Variants in MSI2 observed in about 807,000 individuals in gnomAD.
MSI2 encodes the protein musashi RNA binding protein 2.
MSI2 carries 17 observed loss-of-function variants against 45.6 expected under a neutral mutation model. The observed-to-expected ratio is 0.37, with a 90% CI of 0.26 to 0.56. The LOEUF (loss-of-function observed/expected upper bound fraction) is 0.56. Among genes scored for constraint, MSI2 ranks in the 20% least tolerant of loss-of-function variants. The pLI is 0.77. For missense variants in MSI2, 293 were observed against 444.2 expected, an observed-to-expected ratio of 0.66 and a Z score of 3.06; for synonymous variants, 156 against 158.2, an observed-to-expected ratio of 0.99 and a Z score of 0.11.
intron 6 of MSI2, among the ~76,000 whole-genome samples, chr17:57,509,399 G>A (rs115543360): frequency 1.5e-3 from 228 of 152,192 alleles, no homozygotes; most frequent in African/African-American, 4.9e-3. Flanking sequence ...CCAGTCTGGC[G>A]TCATCTTGGT....
At chr17:57,317,341 A>G (rs1912930595) in intron 5 of MSI2, among the ~76,000 whole-genome samples, 1 of 152,166 alleles carries the variant, frequency 6.6e-6, no homozygotes, top group Non-Finnish European at 1.5e-5. Flanking sequence ...AAAAGGAGAC[A>G]TAACTTCTGT....
At chr17:57,530,751 T>A (rs1157901411) in intron 7 of MSI2, among the ~76,000 whole-genome samples, 2 of 152,148 alleles carry the variant, frequency 1.3e-5, no homozygotes, top group African/African-American at 2.4e-5. Context: ...GCACTGACTG[T>A]ATGTCTTTCC....
At position 57,359,279 on chromosome 17, in the gene MSI2, CTTTA is replaced by C. The variant is rs1284716306; in HGVS notation, c.313-42092_313-42089del. Among the ~76,000 whole-genome samples, 3 of 152,060 alleles carry C rather than the reference CTTTA, an allele frequency of 2.0e-5. No homozygotes were observed. In the East Asian group the frequency reaches 5.8e-4, roughly 29 times the overall value. On this transcript the variant is annotated intron_variant, in intron 5 of 13. Coordinates refer to ENST00000284073, the MANE Select transcript of MSI2 (RefSeq NM_138962.4). ...TCCAACTCAATATGGGCATTTTAATCTTTATTTATTTTTAAAATTTAATTTTATT... is the reference window on the plus strand; with the variant it reads ...TCCAACTCAATATGGGCATTTTAATCTTTATTTTTAAAATTTAATTTTATT...
chr17:57,584,742 G>A (rs111286057), intron 7 of MSI2, among the ~76,000 whole-genome samples: 6 of 151,828 alleles, frequency 4.0e-5, no homozygotes, highest in Non-Finnish European at 5.9e-5. Flanking sequence ...CAGCATGCCC[G>A]CACCCTGCAC....
At chr17:57,584,482 G>C (rs1188611982) in intron 7 of MSI2, among the ~76,000 whole-genome samples, 4 of 152,184 alleles carry the variant, frequency 2.6e-5, no homozygotes, top group Admixed American at 2.6e-4. Flanking sequence ...ACCCCCCTGT[G>C]GGGGGCGCGG....
intron 6 of MSI2, among the ~76,000 whole-genome samples, chr17:57,427,555 A>T (rs1224135100): frequency 6.6e-6 from 1 of 152,148 alleles, no homozygotes; most frequent in Non-Finnish European, 1.5e-5. Context: ...GTATAAAACC[A>T]CCTTCCTCAT....
intron 5 of MSI2, among the ~76,000 whole-genome samples, chr17:57,301,404 G>A (rs1319035143): frequency 2.6e-5 from 4 of 152,074 alleles, no homozygotes; most frequent in African/African-American, 4.8e-5. Flanking sequence ...ATAAAATATC[G>A]CATACATACA....
Position 57,407,925 on chromosome 17 carries a change from T to A in MSI2, c.405+6454T>A, listed in dbSNP as rs1472342868. Among the ~76,000 whole-genome samples, 1 of 152,226 alleles carries A rather than the reference T, an allele frequency of 6.6e-6. No individual in the cohort carries two copies. The highest frequency in any genetic ancestry group is 1.5e-5 in the Non-Finnish European group (1 of 68,036). On this transcript the variant is annotated intron_variant, in intron 6 of 13. Transcript: ENST00000284073. This position sits in a 1 kb window ranked among gnomAD's most constrained non-coding sequence, Gnocchi z 4.1. ...TTTGCCCCCTGACCCCTGGCCAAGC[T>A]GCTCAGTGGGAAACAGCACAGCGAG...
chr17:57,463,540 C>T (rs918090416), intron 6 of MSI2, among the ~76,000 whole-genome samples: 13 of 152,230 alleles, frequency 8.5e-5, no homozygotes, highest in African/African-American at 3.1e-4. Flanking sequence ...TGGGTCTCCT[C>T]CCCAACAGCC....
In MSI2 at chr17:57,280,814, G is replaced by GGA. The variant is rs1555571782; in HGVS notation, c.312+18622_312+18623insGA. Among the ~76,000 whole-genome samples, 19 of 151,866 alleles carry GGA rather than the reference G, an allele frequency of 1.3e-4. No homozygotes were observed. Among genetic ancestry groups the GGA allele is most frequent in the Non-Finnish European group, 2.5e-4 (17 of 67,982 alleles). On this transcript the variant is annotated intron_variant, in intron 5 of 13. Coordinates refer to ENST00000284073, the MANE Select transcript of MSI2 (RefSeq NM_138962.4). The surrounding 1 kb of genome is among the most constrained non-coding windows in gnomAD (Gnocchi z 4.2). ...AATCATTAAAAATAAAATAGGATGA[G>GGA]AAAAAAAGCTAAGCACACATAAACA...
intron 6 of MSI2, among the ~76,000 whole-genome samples, chr17:57,473,256 G>A (rs1022144181): frequency 6.6e-6 from 1 of 152,334 alleles, no homozygotes; most frequent in East Asian, 1.9e-4. Context: ...GAAGCTCGGG[G>A]CTGCCTGCTT....
intron 13 of MSI2, among the ~76,000 whole-genome samples, chr17:57,678,277 C>T (rs138590737): frequency 6.6e-6 from 1 of 152,208 alleles, no homozygotes; most frequent in African/African-American, 2.4e-5. Flanking sequence ...ACCAAATAAA[C>T]CATGTGTGTG....
chr17:57,602,257 A>G (rs755016955), intron 8 of MSI2, among the ~76,000 whole-genome samples: 3 of 151,410 alleles, frequency 2.0e-5, no homozygotes, highest in African/African-American at 4.9e-5. Flanking sequence ...GTGTTAGTGT[A>G]TTTTATGTGC....
chr17:57,492,755 C>T (rs1416665148), intron 6 of MSI2, among the ~76,000 whole-genome samples: 2 of 152,186 alleles, frequency 1.3e-5, no homozygotes, highest in Non-Finnish European at 2.9e-5. Context: ...TACCACCACA[C>T]CCAGTTAATT....
intron 5 of MSI2, among the ~76,000 whole-genome samples, chr17:57,273,048 T>C (rs8071799): frequency 0.36 from 54,435 of 152,040 alleles, 11,447 homozygotes; most frequent in African/African-American, 0.59. Context: ...AGTGGATTCA[T>C]CATGTCTTCT....
At chr17:57,575,960 A>AGAAAAAAG (rs1445178989) in intron 7 of MSI2, among the ~76,000 whole-genome samples, 2 of 146,420 alleles carry the variant, frequency 1.4e-5, no homozygotes, top group Admixed American at 6.9e-5. Flanking sequence ...AAAAAAAAAA[A>AGAAAAAAG]AAAAAAAAAA....
At chr17:57,641,182 G>T (rs1273294910) in intron 10 of MSI2, among the ~76,000 whole-genome samples, 1 of 152,220 alleles carries the variant, frequency 6.6e-6, no homozygotes, top group Non-Finnish European at 1.5e-5. Context: ...TCAGGAGACA[G>T]AAGTGGTGGA....
intron 7 of MSI2, among the ~76,000 whole-genome samples, chr17:57,533,157 G>T (rs183295271): frequency 1.3e-5 from 2 of 152,302 alleles, no homozygotes; most frequent in Non-Finnish European, 2.9e-5. Flanking sequence ...TGTTGGGGCA[G>T]GGATGCCCTC....
At chr17:57,583,490 T>TTTTTTTTTTTC (rs753943718) in intron 7 of MSI2, among the ~76,000 whole-genome samples, 813 of 10,332 alleles carry the variant, frequency 0.079, 18 homozygotes, top group African/African-American at 0.17. Flanking sequence ...CAATGTTTCT[T>TTTTTTTTTTTC]TTTTTTTTTT....
Sources: allele counts gnomAD v4.1 joint callset (sites outside exome capture counted in the v4.1 genomes callset), GRCh38; gene constraint gnomAD v4.1.1; non-coding constraint Gnocchi (gnomAD v3.1); transcripts MANE v1.5; gene names NCBI Gene and HGNC (gene_info 2026-07-23, HGNC 2026-07-21).